The following GFRA2 variants were observed in gnomAD, a reference collection of about 807,000 sequenced individuals.
GFRA2 encodes GDNF family receptor alpha 2, also known as GDNF family receptor alpha-2.
In GFRA2, 17 loss-of-function variants were observed where a neutral mutation model predicts 48.3. That is an observed-to-expected ratio of 0.35 (90% CI 0.24 to 0.53). The LOEUF is 0.53. Among genes scored for constraint, GFRA2 ranks in the 20% least tolerant of loss-of-function variants. The pLI is 0.93. For missense variants in GFRA2, 660 were observed against 637.3 expected (o/e 1.04, Z -0.38); for synonymous variants, 305 against 257.2 (o/e 1.19, Z -1.78).
intron 4 of GFRA2, among the ~76,000 whole-genome samples, chr8:21,746,405 G>T (rs1024509996): frequency 2.0e-5 from 3 of 152,164 alleles, no homozygotes; most frequent in Non-Finnish European, 4.4e-5. Context: ...TTTGCATGCA[G>T]ATGGGTGTGT....
At chr8:21,780,062 T>G (rs1414921588) in intron 2 of GFRA2, among the ~76,000 whole-genome samples, 1 of 151,986 alleles carries the variant, frequency 6.6e-6, no homozygotes, top group Admixed American at 6.5e-5. Context: ...CCATCTTTTT[T>G]TTTTTTTTAA....
chr8:21,696,550 G>C (rs956817853), intron 7 of GFRA2, among the ~76,000 whole-genome samples: 2 of 152,182 alleles, frequency 1.3e-5, no homozygotes, highest in African/African-American at 4.8e-5. Context: ...ACACTCTGCA[G>C]GGTTACACCC....
At chr8:21,696,396 G>C (rs1379953635) in intron 7 of GFRA2, among the ~76,000 whole-genome samples, 1 of 152,112 alleles carries the variant, frequency 6.6e-6, no homozygotes, top group Non-Finnish European at 1.5e-5. Flanking sequence ...GTATATTGGA[G>C]GTACGCATAA....
intron 4 of GFRA2, among the ~76,000 whole-genome samples, chr8:21,728,921 A>G (rs1804033689): frequency 6.6e-6 from 1 of 152,228 alleles, no homozygotes; most frequent in African/African-American, 2.4e-5. Context: ...TGGAGGGGGT[A>G]GTTCTCCTCT....
intron 3 of GFRA2, among the ~76,000 whole-genome samples, chr8:21,766,509 C>A (rs1369676249): frequency 1.3e-5 from 2 of 151,788 alleles, no homozygotes; most frequent in Non-Finnish European, 2.9e-5. Context: ...AGCCTAAGCT[C>A]CCCGAGTTAG....
intron 1 of GFRA2, among the ~76,000 whole-genome samples, chr8:21,783,503 G>A (rs2117075793): frequency 6.6e-6 from 1 of 152,188 alleles, no homozygotes; most frequent in South Asian, 2.1e-4. Flanking sequence ...ACATAGCGGT[G>A]GAAACACCCC....
chr8:21,781,148 A>G (rs945666152), intron 2 of GFRA2, among the ~76,000 whole-genome samples: 1 of 152,080 alleles, frequency 6.6e-6, no homozygotes, highest in Non-Finnish European at 1.5e-5. Context: ...CTTCCTTGCC[A>G]CTGTCCTGGT....
intron 3 of GFRA2, among the ~76,000 whole-genome samples, chr8:21,755,122 T>C (rs1050877152): frequency 2.4e-4 from 37 of 152,168 alleles, no homozygotes; most frequent in African/African-American, 8.2e-4. Context: ...TCACTCTGTA[T>C]GATACTGTAA....
At chr8:21,753,245 G>C (rs1464383988) in intron 3 of GFRA2, among the ~76,000 whole-genome samples, 9 of 152,216 alleles carry the variant, frequency 5.9e-5, no homozygotes, top group African/African-American at 2.2e-4. Context: ...CCTGAAATGT[G>C]GCTGGGTCAT....
At chr8:21,767,134 ACAC>A (rs1328409677) in intron 3 of GFRA2, among the ~76,000 whole-genome samples, 22 of 123,042 alleles carry the variant, frequency 1.8e-4, no homozygotes, top group African/African-American at 6.0e-4. Context: ...ACACCACCTC[ACAC>A]CACCACACAC....
chr8:21,706,852 A>G (rs569261513), intron 4 of GFRA2, among the ~76,000 whole-genome samples: 16 of 152,338 alleles, frequency 1.1e-4, no homozygotes, highest in African/African-American at 3.1e-4. Context: ...CTCCAGACCT[A>G]GACATGGAAG....
intron 4 of GFRA2, among the ~76,000 whole-genome samples, chr8:21,708,818 A>T (rs1256567893): frequency 9.2e-5 from 14 of 152,194 alleles, no homozygotes; most frequent in Non-Finnish European, 7.3e-5. Context: ...CTTCAGAAAA[A>T]AGCATGGCCC....
chr8:21,783,367 G>A (rs1468535539), intron 1 of GFRA2, among the ~76,000 whole-genome samples: 2 of 152,070 alleles, frequency 1.3e-5, no homozygotes, highest in African/African-American at 4.8e-5. Context: ...CTAAACCTTG[G>A]ATGCAGTGCG....
At position 21,750,984 on chromosome 8, in the gene GFRA2, A is replaced by C. The variant is rs759133266; in HGVS notation, c.440-42T>G. 7.4e-7 allele frequency: 1 copy of C among 1,357,282 alleles called. No individual in the cohort carries two copies. Among genetic ancestry groups the C allele is most frequent in the Admixed American group, 1.9e-5 (1 of 52,492 alleles). 84.1% of individuals were successfully genotyped at this position (1,357,282 alleles called of 1,614,324 possible). ...AGAGCAGGTCAGAGGCCACACAAGC[A>C]TGAGGAGGACACAGCTGCCCCCTCA... is the stretch of plus-strand genomic sequence containing the variant. On this transcript the variant is annotated intron_variant, in intron 3 of 8. Transcript: ENST00000524240. This position sits in a 1 kb window ranked among gnomAD's most constrained non-coding sequence, Gnocchi z 5.7.
chr8:21,787,242 TC>T (rs1235282269), intron 1 of GFRA2, among the ~76,000 whole-genome samples: 1 of 123,820 alleles, frequency 8.1e-6, no homozygotes, highest in Non-Finnish European at 1.6e-5. Context: ...AGGCAGCCTC[TC>T]CTCCCTGTCT....
chr8:21,805,434 A>G (rs1327397189), intron 1 of GFRA2, among the ~76,000 whole-genome samples: 1 of 152,192 alleles, frequency 6.6e-6, no homozygotes, highest in Non-Finnish European at 1.5e-5. Flanking sequence ...GCAGCGACTG[A>G]GTACTTACCA....
intron 4 of GFRA2, among the ~76,000 whole-genome samples, chr8:21,740,096 C>T (rs1804677571): frequency 6.6e-6 from 1 of 152,154 alleles, no homozygotes; most frequent in Non-Finnish European, 1.5e-5. Context: ...GTGTGCTCCC[C>T]ACACTAGAGT....
intron 3 of GFRA2, among the ~76,000 whole-genome samples, chr8:21,758,912 A>G (rs534327925): frequency 1.3e-5 from 2 of 152,154 alleles, no homozygotes; most frequent in Non-Finnish European, 1.5e-5. Context: ...ACACGAAGAC[A>G]CCCAACCATA....
intron 4 of GFRA2, among the ~76,000 whole-genome samples, chr8:21,742,672 C>T (rs1340226016): frequency 3.3e-5 from 5 of 152,344 alleles, no homozygotes; most frequent in South Asian, 2.1e-4. Context: ...AACAAACACA[C>T]GCCCAGTTGT....
Sources: allele counts gnomAD v4.1 joint callset (sites outside exome capture counted in the v4.1 genomes callset), GRCh38; gene constraint gnomAD v4.1.1; non-coding constraint Gnocchi (gnomAD v3.1); transcripts MANE v1.5; gene names NCBI Gene and HGNC (gene_info 2026-07-23, HGNC 2026-07-21).